ARIH2: variants seen among roughly 807,000 people sequenced by gnomAD.
The protein encoded by ARIH2 is E3 ubiquitin-protein ligase ARIH2.
Under a neutral mutation model 79.8 loss-of-function variants are expected in ARIH2, and 12 were observed. The observed-to-expected ratio is 0.15, with a 90% CI of 0.10 to 0.24. ARIH2 has a LOEUF of 0.24. ARIH2 is among the 10% of genes least tolerant of loss of function. The pLI is 1.00. For missense variants in ARIH2, 301 were observed against 618.3 expected, an observed-to-expected ratio of 0.49 and a Z score of 5.44; for synonymous variants, 224 against 213.9, an observed-to-expected ratio of 1.05 and a Z score of -0.41.
intron 14 of ARIH2, 103 bp downstream of exon 14, chr3:48,981,831 G>T: frequency 1.1e-6 from 1 of 920,822 alleles, no homozygotes. Context: ...GTCATTGGGA[G>T]GGCAAAGTTA....
At chr3:48,941,526 G>T (rs1176944855) in intron 3 of ARIH2, among the ~76,000 whole-genome samples, 1 of 151,984 alleles carries the variant, frequency 6.6e-6, no homozygotes, top group Non-Finnish European at 1.5e-5. Context: ...GAATGAGGTC[G>T]CAGTGTTGTT....
At position 48,918,878 on chromosome 3, in the gene ARIH2, C is replaced by A. The variant is rs369699183; in HGVS notation, c.-282C>A. On this transcript the variant is annotated 5_prime_UTR_variant, in exon 1 of 16. Coordinates refer to ENST00000356401, the MANE Select transcript of ARIH2 (RefSeq NM_006321.4). ...GACGACTCTTCTGGAGGAAGCAGCGCGGGCTTGACCGGCGTCGGCCCGCCG... is the reference window on the plus strand; with the variant it reads ...GACGACTCTTCTGGAGGAAGCAGCGAGGGCTTGACCGGCGTCGGCCCGCCG... 1.2e-6 allele frequency: 2 copies of A among 1,608,110 alleles called. No individual in the cohort carries two copies. The highest frequency in any genetic ancestry group is 1.1e-5 in the South Asian group (1 of 90,862).
At chr3:48,926,276 C>CGT (rs1169608505) in intron 2 of ARIH2, among the ~76,000 whole-genome samples, 5 of 148,694 alleles carry the variant, frequency 3.4e-5, no homozygotes, top group African/African-American at 1.3e-4. Context: ...TATGTGTGTA[C>CGT]GTGTGTGTGT....
At chr3:48,945,435 T>G (rs770328344) in intron 3 of ARIH2, among the ~76,000 whole-genome samples, 6 of 152,242 alleles carry the variant, frequency 3.9e-5, no homozygotes, top group Admixed American at 6.5e-5. Context: ...TTCTGTGCAC[T>G]ATTTTGAGTA....
chr3:48,975,013 G>T, intron 11 of ARIH2, 34 bp downstream of exon 11: 1 of 1,614,178 alleles, frequency 6.2e-7, no homozygotes, highest in South Asian at 1.1e-5. Flanking sequence ...AGGCCCAGTG[G>T]CACTTTCTTG....
intron 3 of ARIH2, among the ~76,000 whole-genome samples, chr3:48,946,105 C>T (rs945953755): frequency 6.6e-6 from 1 of 152,082 alleles, no homozygotes; most frequent in Admixed American, 6.6e-5. Flanking sequence ...TGCTGCTAAC[C>T]ACGTCAGTAA....
intron 3 of ARIH2, among the ~76,000 whole-genome samples, chr3:48,941,171 CAAAAA>C (rs11353326): frequency 7.6e-6 from 1 of 132,008 alleles, no homozygotes; most frequent in Non-Finnish European, 1.6e-5. Flanking sequence ...GACTCCGTCT[CAAAAA>C]AAAAAAAAAA....
In ARIH2 at chr3:48,984,869, A is replaced by G. The variant is rs774875186; in HGVS notation, c.*1599A>G. On this transcript the variant is annotated 3_prime_UTR_variant, in exon 16 of 16. Coordinates refer to ENST00000356401, the MANE Select transcript of ARIH2 (RefSeq NM_006321.4). ...TGTGACTCATGGGATCATGAGGTCC[A>G]TGGCTGGTTGCAGGTTCCCTTTTTC... The G allele has an allele frequency of 6.6e-6, 1 of 152,268 alleles. No homozygotes were observed. Among genetic ancestry groups the G allele is most frequent in the African/African-American group, 2.4e-5 (1 of 41,466 alleles). The allele number at this position is 152,268 out of a possible 1,614,324, so 9.4% of individuals were successfully genotyped here. A position where few individuals can be genotyped will look rare whatever the true frequency, so the allele number is the denominator to read the frequency against.
At chr3:48,956,283 C>T (rs927291306) in intron 3 of ARIH2, among the ~76,000 whole-genome samples, 7 of 150,442 alleles carry the variant, frequency 4.7e-5, no homozygotes, top group South Asian at 2.1e-4. Flanking sequence ...GGATTACAGG[C>T]GCCCGCCACA....
intron 4 of ARIH2, among the ~76,000 whole-genome samples, chr3:48,962,058 G>T (rs1426314809): frequency 6.6e-6 from 1 of 152,126 alleles, no homozygotes; most frequent in African/African-American, 2.4e-5. Flanking sequence ...TTGTATCATA[G>T]TACGAGTTGT....
intron 13 of ARIH2, 88 bp downstream of exon 13, chr3:48,980,584 G>C (rs2092711226): frequency 6.7e-7 from 1 of 1,492,198 alleles, no homozygotes; most frequent in Non-Finnish European, 9.1e-7. Flanking sequence ...TCTGTTGAAA[G>C]AGGGTATTTT....
intron 13 of ARIH2, 29 bp downstream of exon 13, chr3:48,980,525 T>TGGTC (rs773064458): frequency 6.2e-7 from 1 of 1,610,104 alleles, no homozygotes; most frequent in South Asian, 1.1e-5. Flanking sequence ...ATCTTATCCC[T>TGGTC]GGTCCAGTGC....
intron 11 of ARIH2, among the ~76,000 whole-genome samples, chr3:48,977,637 T>C (rs963762256): frequency 6.6e-6 from 1 of 152,170 alleles, no homozygotes; most frequent in Non-Finnish European, 1.5e-5. Context: ...TTTTGTATTT[T>C]TGGTAGAGAC....
At chr3:48,970,801 G>GCCTCTTC in intron 8 of ARIH2, 97 bp downstream of exon 8, 1 of 917,224 alleles carries the variant, frequency 1.1e-6, no homozygotes, top group Non-Finnish European at 1.7e-6. Context: ...ACTGGAAGAG[G>GCCTCTTC]CAGGGTCTCT....
At chr3:48,968,170 G>GA (rs2091927045) in intron 6 of ARIH2, 1 of 217,786 alleles carries the variant, frequency 4.6e-6, no homozygotes, top group Non-Finnish European at 9.2e-6. Context: ...GAGTAGTTGG[G>GA]ATTACAGGCA....
At chr3:48,953,819 C>A (rs2090273190) in intron 3 of ARIH2, among the ~76,000 whole-genome samples, 1 of 152,018 alleles carries the variant, frequency 6.6e-6, no homozygotes, top group Admixed American at 6.6e-5. Flanking sequence ...ACCTTAGCCT[C>A]CTGAGTAGCT....
At chr3:48,936,287 G>T (rs746414995) in intron 3 of ARIH2, among the ~76,000 whole-genome samples, 5 of 152,056 alleles carry the variant, frequency 3.3e-5, no homozygotes, top group Non-Finnish European at 7.4e-5. Flanking sequence ...TTGTAGGAAA[G>T]ATTTGAAAAA....
chr3:48,974,742 C>A (rs1017199843), intron 9 of ARIH2, 75 bp from the exon 10 acceptor site: 16 of 1,512,608 alleles, frequency 1.1e-5, no homozygotes, highest in Non-Finnish European at 1.4e-5. Context: ...GCACAGGTGC[C>A]AGGAGCTTTG....
In ARIH2 at chr3:48,949,777, G is replaced by A. The variant is rs181722592; in HGVS notation, c.256-11835G>A. On this transcript the variant is annotated intron_variant, in intron 3 of 15. Transcript: ENST00000356401. ...CATAGTTTGAATTATTTTATCAGAT[G>A]TATGATTTGCAGATATTTTCTCCCA... Among the ~76,000 whole-genome samples the A allele has an allele frequency of 2.3e-4, 35 of 151,548 alleles. No individual in the cohort carries two copies. The East Asian group carries it at 6.6e-3, about 28-fold the overall frequency.
Sources: gnomAD v4.1 joint callset for allele counts (sites outside exome capture counted in the v4.1 genomes callset) on GRCh38, gnomAD v4.1.1 for gene constraint, MANE v1.5 for transcripts, NCBI Gene and HGNC (gene_info 2026-07-23, HGNC 2026-07-21) for gene names.